Variants in CPSF2 observed in about 807,000 individuals in gnomAD.
CPSF2 encodes cleavage and polyadenylation specific factor 2, also known as cleavage and polyadenylation specificity factor subunit 2.
Under a neutral mutation model 84.2 loss-of-function variants are expected in CPSF2, and 51 were observed. That is an observed-to-expected ratio of 0.61 (90% CI 0.48 to 0.77). The LOEUF is 0.77. Among genes scored for constraint, CPSF2 ranks in the 30% least tolerant of loss-of-function variants. The pLI, the probability that CPSF2 is intolerant of heterozygous loss-of-function variation, is 0.00. For synonymous variants in CPSF2, 286 were observed against 311.9 expected (o/e 0.92, Z 0.87); for missense variants, 641 against 929.4 (o/e 0.69, Z 4.03).
In CPSF2 at chr14:92,155,090, T is replaced by C. The variant is rs2069271257; in HGVS notation, c.1242-33T>C. 4 of 1,392,282 alleles carry C rather than the reference T, an allele frequency of 2.9e-6. No individual in the cohort carries two copies. In the South Asian group the frequency reaches 3.7e-5, roughly 13 times the overall value. 86.2% of individuals were successfully genotyped at this position (1,392,282 alleles called of 1,614,324 possible). A position where few individuals can be genotyped will look rare whatever the true frequency, so the allele number is the denominator to read the frequency against. On this transcript the variant is annotated intron_variant, in intron 10 of 15. Coordinates refer to ENST00000298875, the MANE Select transcript of CPSF2 (RefSeq NM_017437.3). ...ATTAATTTAAAATATCTTTGAAACT[T>C]TATGACCTTGATCTATTCTAAAATC...
rs2069292858 is a variant in CPSF2 at position 92,156,568 on chromosome 14, T to C, written c.1532T>C (p.Met511Thr). 6.2e-7 allele frequency: 1 copy of C among 1,611,586 alleles called. No homozygotes were observed. The highest frequency in any genetic ancestry group is 8.5e-7 in the Non-Finnish European group (1 of 1,178,096). The change falls in exon 12 of 16, where the codon ATG (methionine) becomes ACG (threonine). Residue 511 changes from methionine to threonine, a missense_variant. Physicochemically the swap from Met to Thr is moderately conservative, Grantham distance 81. This residue lies in a region of CPSF2 where 430 missense variants were observed against 553.6 expected (regional missense o/e 0.78). Transcript: ENST00000298875. Reference sequence around the variant, plus strand: ...GGTTTGACAAATGGAGATGAACCTATGGATCAGGATTTATCTGATGTTCCT... The same window carrying C: ...GGTTTGACAAATGGAGATGAACCTACGGATCAGGATTTATCTGATGTTCCT... ...ESGLTNGDEP[M>T]DQDLSDVPTK...
chr14:92,142,042 C>A, intron 7 of CPSF2, 122 bp from the exon 8 acceptor site: 1 of 701,654 alleles, frequency 1.4e-6, no homozygotes, highest in Non-Finnish European at 2.3e-6. Context: ...TTGTACTTGG[C>A]CTAGTAGTTG....
chr14:92,153,411 TC>T (rs1271851020), intron 9 of CPSF2, among the ~76,000 whole-genome samples: 2 of 152,170 alleles, frequency 1.3e-5, no homozygotes, highest in Non-Finnish European at 2.9e-5. Flanking sequence ...TTTTTGTTTT[TC>T]TTTTCAGTTT....
rs1408385839 is a variant in CPSF2 at position 92,143,174 on chromosome 14, T to A, written c.1020T>A (p.Asp340Glu). The A allele has an allele frequency of 6.2e-7, 1 of 1,614,106 alleles. No homozygotes were observed. Among genetic ancestry groups the A allele is most frequent in the Non-Finnish European group, 8.5e-7 (1 of 1,180,034 alleles). ...ACCTGGAATGCGGATTTTCAAGGGA[T>A]CTCTTTATTCAGTGGTGTCAGGACC... ...QPDLECGFSR[D>E]LFIQWCQDPK... Residue 340 changes from aspartate (D) to glutamate (E), a missense_variant, in exon 9 of 16, where the codon GAT becomes GAA. Around this residue, in one of 2 missense-constraint regions of CPSF2, gnomAD observed 430 missense variants for 553.6 expected, o/e 0.78. Coordinates refer to ENST00000298875, the MANE Select transcript of CPSF2 (RefSeq NM_017437.3).
At chr14:92,137,317 TTCC>T (rs1257719485) in intron 6 of CPSF2, among the ~76,000 whole-genome samples, 2 of 152,110 alleles carry the variant, frequency 1.3e-5, no homozygotes, top group African/African-American at 4.8e-5. Flanking sequence ...TCAAGCAATC[TTCC>T]CATTTTAGCC....
In CPSF2 at chr14:92,169,975, T is replaced by C. The variant is rs1028896791; in HGVS notation, c.*8231T>C. On this transcript the variant is annotated 3_prime_UTR_variant, in exon 16 of 16. Coordinates refer to ENST00000298875, the MANE Select transcript of CPSF2 (RefSeq NM_017437.3). Reference sequence around the variant, plus strand: ...CAACATAGTGAGAACTCATCTCTATTAAAAATCAGAAAAATTGGCCAGGTG... The same window carrying C: ...CAACATAGTGAGAACTCATCTCTATCAAAAATCAGAAAAATTGGCCAGGTG... 1 of 151,994 alleles carries C rather than the reference T, an allele frequency of 6.6e-6. No homozygotes were observed. The highest frequency in any genetic ancestry group is 2.4e-5 in the African/African-American group (1 of 41,372). 9.4% of individuals were successfully genotyped at this position (151,994 alleles called of 1,614,324 possible). A position where few individuals can be genotyped will look rare whatever the true frequency, so the allele number is the denominator to read the frequency against.
intron 11 of CPSF2, among the ~76,000 whole-genome samples, 184 bp from the exon 12 acceptor site, chr14:92,156,295 A>C (rs1203890493): frequency 1.1e-4 from 16 of 152,162 alleles, no homozygotes; most frequent in Admixed American, 1.0e-3. Flanking sequence ...CTCAAAAAAA[A>C]CCAAAAAACG....
chr14:92,154,286 CT>C (rs1271134045), intron 9 of CPSF2, 71 bp from the exon 10 acceptor site: 11 of 1,025,112 alleles, frequency 1.1e-5, no homozygotes, highest in Admixed American at 1.1e-4. Flanking sequence ...TGTGATGTAT[CT>C]CATATCCCAC....
intron 3 of CPSF2, among the ~76,000 whole-genome samples, chr14:92,131,738 C>G (rs2068933984): frequency 1.3e-5 from 2 of 151,886 alleles, no homozygotes; most frequent in African/African-American, 4.8e-5. Flanking sequence ...ACTTGGGAGG[C>G]TGAGGCAGGA....
At position 92,157,835 on chromosome 14, in the gene CPSF2, C is replaced by T; in HGVS notation, c.1772C>T (p.Pro591Leu). ...FGGKDIKVYMPKLHETVDATS... is the reference protein window; with the variant it reads ...FGGKDIKVYMLKLHETVDATS... ...GGGAAAGATATTAAAGTGTACATGC[C>T]AAAGCTACATGAAACAGTTGATGCC... is the stretch of plus-strand genomic sequence containing the variant. The change falls in exon 13 of 16, where the codon CCA becomes CTA. Residue 591 changes from proline to leucine, a missense_variant. Physicochemically the swap from Pro to Leu is moderately conservative, Grantham distance 98 (BLOSUM62 -3). Around this residue, in one of 2 missense-constraint regions of CPSF2, gnomAD observed 430 missense variants for 553.6 expected, o/e 0.78. Transcript: ENST00000298875. The surrounding 1 kb of genome is among the most constrained non-coding windows in gnomAD (Gnocchi z 4.0). 1 of 1,614,100 alleles carries T rather than the reference C, an allele frequency of 6.2e-7. No homozygotes were observed. Among genetic ancestry groups the T allele is most frequent in the Non-Finnish European group, 8.5e-7 (1 of 1,180,002 alleles).
intron 9 of CPSF2, among the ~76,000 whole-genome samples, chr14:92,143,752 T>G (rs1203977001): frequency 3.3e-5 from 5 of 151,562 alleles, no homozygotes; most frequent in African/African-American, 1.2e-4. Context: ...ACCATAGACA[T>G]GTGCCACCAT....
intron 2 of CPSF2, among the ~76,000 whole-genome samples, chr14:92,126,700 G>A (rs2068849857): frequency 6.6e-6 from 1 of 152,100 alleles, no homozygotes; most frequent in African/African-American, 2.4e-5. Flanking sequence ...CTACCCAGGA[G>A]GCTGAGGTGG....
intron 1 of CPSF2, among the ~76,000 whole-genome samples, chr14:92,124,483 G>A (rs1392968480): frequency 6.6e-6 from 1 of 152,202 alleles, no homozygotes; most frequent in Non-Finnish European, 1.5e-5. Flanking sequence ...AAGGTGACTT[G>A]AGTTTTTAGT....
rs2068773913 is a variant in CPSF2 at position 92,122,015 on chromosome 14, C to G, written c.-207C>G. ...GGCGGCTGCCACTGTGGGGCTTCTG[C>G]CGGCCGGTAGTCCCTGGCGCTGCTG... On this transcript the variant is annotated 5_prime_UTR_variant, in exon 1 of 16. Coordinates refer to ENST00000298875, the MANE Select transcript of CPSF2 (RefSeq NM_017437.3). The G allele has an allele frequency of 3.2e-6, 2 of 622,386 alleles. No homozygotes were observed. Among genetic ancestry groups the G allele is most frequent in the Non-Finnish European group, 2.8e-6 (1 of 356,740 alleles). 38.6% of individuals were successfully genotyped at this position (622,386 alleles called of 1,614,324 possible). A position where few individuals can be genotyped will look rare whatever the true frequency, so the allele number is the denominator to read the frequency against.
intron 7 of CPSF2, among the ~76,000 whole-genome samples, 160 bp from the exon 8 acceptor site, chr14:92,142,004 G>C (rs769591968): frequency 1.3e-5 from 2 of 152,194 alleles, no homozygotes; most frequent in South Asian, 4.1e-4. Context: ...AAAAGCAGTT[G>C]TAATGACCTG....
intron 7 of CPSF2, among the ~76,000 whole-genome samples, chr14:92,138,991 T>C (rs2069037492): frequency 2.0e-5 from 3 of 152,224 alleles, no homozygotes; most frequent in Admixed American, 1.3e-4. Flanking sequence ...GGTTTGAATT[T>C]AACTTTTGTG....
At chr14:92,160,253 G>A (rs1030679965) in intron 14 of CPSF2, among the ~76,000 whole-genome samples, 1 of 152,186 alleles carries the variant, frequency 6.6e-6, no homozygotes, top group Non-Finnish European at 1.5e-5. Flanking sequence ...GTGAGCCAAT[G>A]CACCCAGCCA....
intron 2 of CPSF2, among the ~76,000 whole-genome samples, chr14:92,127,919 T>C (rs750593241): frequency 6.6e-6 from 1 of 152,192 alleles, no homozygotes; most frequent in Non-Finnish European, 1.5e-5. Context: ...GATTATCAGC[T>C]GAGACTAGGG....
intron 2 of CPSF2, among the ~76,000 whole-genome samples, chr14:92,128,691 T>C (rs1180888094): frequency 6.6e-6 from 1 of 152,008 alleles, no homozygotes; most frequent in Non-Finnish European, 1.5e-5. Context: ...GGGTCATGGA[T>C]AGGGAAAAAG....
Sources: gnomAD v4.1 joint callset for allele counts (sites outside exome capture counted in the v4.1 genomes callset) on GRCh38, gnomAD v4.1.1 for gene constraint, gnomAD v4.1.1 regional missense constraint, Gnocchi (gnomAD v3.1) non-coding constraint, MANE v1.5 for transcripts, NCBI Gene and HGNC (gene_info 2026-07-23, HGNC 2026-07-21) for gene names.